The following RBFOX1 variants were observed in gnomAD, a reference collection of about 807,000 sequenced individuals.
RBFOX1 encodes the protein RNA binding protein fox-1 homolog 1.
In RBFOX1, 8 loss-of-function variants were observed where a neutral mutation model predicts 57.7. The ratio of observed to expected loss-of-function variants is 0.14; its 90% CI spans 0.08 to 0.25. The LOEUF (loss-of-function observed/expected upper bound fraction) is 0.25. Among genes scored for constraint, RBFOX1 ranks in the 10% least tolerant of loss-of-function variants. The pLI is 1.00. For synonymous variants in RBFOX1, 326 were observed against 222.4 expected (o/e 1.47, Z -4.15); for missense variants, 611 against 548.5 (o/e 1.11, Z -1.14).
intron 3 of RBFOX1, among the ~76,000 whole-genome samples, chr16:6,830,243 G>A (rs902075300): frequency 6.6e-5 from 10 of 152,134 alleles, no homozygotes; most frequent in African/African-American, 2.4e-4. Flanking sequence ...TGTGTGTGAA[G>A]ACATCAGTAT....
At chr16:7,238,077 G>C (rs997970363) in intron 4 of RBFOX1, among the ~76,000 whole-genome samples, 1 of 152,324 alleles carries the variant, frequency 6.6e-6, no homozygotes, top group Non-Finnish European at 1.5e-5. Context: ...AGTGAAATGA[G>C]CTTGTCACAA....
chr16:6,518,642 G>C (rs944097809), intron 2 of RBFOX1, among the ~76,000 whole-genome samples: 12 of 152,094 alleles, frequency 7.9e-5, no homozygotes, highest in Non-Finnish European at 1.5e-5. Context: ...CATTGTCCTA[G>C]TGTTTGCCTT....
chr16:6,962,540 G>A (rs1267076324), intron 3 of RBFOX1, among the ~76,000 whole-genome samples: 1 of 151,478 alleles, frequency 6.6e-6, no homozygotes, highest in Non-Finnish European at 1.5e-5. Context: ...GAGGTCAAAA[G>A]CACCTTAAAG....
intron 4 of RBFOX1, among the ~76,000 whole-genome samples, chr16:7,334,769 T>G (rs368186498): frequency 6.6e-6 from 1 of 152,128 alleles, no homozygotes; most frequent in African/African-American, 2.4e-5. Flanking sequence ...AGCTGAGAAA[T>G]TGGGGAGGCC....
intron 4 of RBFOX1, among the ~76,000 whole-genome samples, chr16:7,153,570 C>T (rs2076497036): frequency 6.6e-6 from 1 of 150,698 alleles, no homozygotes; most frequent in Admixed American, 6.6e-5. Flanking sequence ...CCCATCTCTA[C>T]TGAAAAAACA....
Position 7,222,349 on chromosome 16 carries a change from T to A in RBFOX1, c.27+170251T>A, listed in dbSNP as rs149730453. On this transcript the variant is annotated intron_variant, in intron 4 of 15. Coordinates refer to ENST00000550418, the MANE Select transcript of RBFOX1 (RefSeq NM_018723.4). ...GTCTCATGTTGGCTATATAGGTAGTTTATATGTCAGTTCCAATTATGAATA... is the reference window on the plus strand; with the variant it reads ...GTCTCATGTTGGCTATATAGGTAGTATATATGTCAGTTCCAATTATGAATA... Among the ~76,000 whole-genome samples, 25 of 152,304 alleles carry A rather than the reference T, an allele frequency of 1.6e-4. 1 individual carries two copies. The Middle Eastern group carries it at 0.01, about 62-fold the overall frequency.
At chr16:7,671,609 C>A in intron 13 of RBFOX1, 2 of 1,608,072 alleles carry the variant, frequency 1.2e-6, no homozygotes, top group Non-Finnish European at 1.7e-6. Flanking sequence ...GGTATGAAAT[C>A]CCGACTGGTG....
intron 3 of RBFOX1, among the ~76,000 whole-genome samples, chr16:5,827,824 T>A (rs926719634): frequency 2.0e-5 from 3 of 151,866 alleles, no homozygotes. Context: ...CACTCACCCA[T>A]CCACCTGGCC....
chr16:5,433,743 C>A lies in RBFOX1; in HGVS notation c.220-33473C>A, dbSNP rs112460498. Among the ~76,000 whole-genome samples, 1,041 of 152,302 alleles carry A rather than the reference C, an allele frequency of 6.8e-3. 11 individuals carry two copies. Among genetic ancestry groups the A allele is most frequent in the African/African-American group, 0.023 (951 of 41,564 alleles). On this transcript the variant is annotated intron_variant, in intron 1 of 2. Coordinates refer to the RBFOX1 transcript ENST00000585867. ...CCTCTCCTTTCCTCCCCTCCCTGCT[C>A]CATGGGAGATTCCGTAGCGTAAGGT...
chr16:6,516,602 T>G (rs1041391030), intron 2 of RBFOX1, among the ~76,000 whole-genome samples: 10 of 152,190 alleles, frequency 6.6e-5, no homozygotes, highest in Non-Finnish European at 1.5e-4. Context: ...ACCCAACACT[T>G]TCATGGAATT....
chr16:7,653,800 C>CTA lies in RBFOX1; in HGVS notation c.758-15_758-14insTA, dbSNP rs2144802519. On this transcript the variant is annotated splice_polypyrimidine_tract_variant and intron_variant, in intron 11 of 15. Transcript: ENST00000550418. The stretch of plus-strand genomic sequence containing the variant: ...CAGCCTGTGCTCTCTCTCTCTCTCT[C>CTA]CTCTTGCCCCGCAGTGCCAGGCTTC... The CTA allele has an allele frequency of 6.2e-7, 1 of 1,607,600 alleles. No individual in the cohort carries two copies. Among genetic ancestry groups the CTA allele is most frequent in the Non-Finnish European group, 8.5e-7 (1 of 1,179,414 alleles).
intron 3 of RBFOX1, among the ~76,000 whole-genome samples, chr16:7,023,004 G>C (rs1400755541): frequency 6.6e-6 from 1 of 152,148 alleles, no homozygotes; most frequent in Non-Finnish European, 1.5e-5. Context: ...GCAGAAGTTG[G>C]CATTTAATGT....
chr16:6,999,224 T>A (rs1261676918), intron 3 of RBFOX1, among the ~76,000 whole-genome samples: 2 of 99,272 alleles, frequency 2.0e-5, no homozygotes, highest in African/African-American at 6.6e-5. Context: ...TTATTTTTTT[T>A]ATTTATTTTT....
intron 4 of RBFOX1, among the ~76,000 whole-genome samples, chr16:7,499,810 G>A (rs974062569): frequency 6.6e-6 from 1 of 151,772 alleles, no homozygotes; most frequent in South Asian, 2.1e-4. Context: ...CTACTTCGCA[G>A]TTGTTGAGAC....
At chr16:7,150,729 T>C (rs1450993676) in intron 4 of RBFOX1, among the ~76,000 whole-genome samples, 2 of 152,220 alleles carry the variant, frequency 1.3e-5, no homozygotes, top group Non-Finnish European at 2.9e-5. Flanking sequence ...GTTAACTTTT[T>C]GCTTCTTACT....
Position 5,633,999 on chromosome 16 carries a change from C to T in RBFOX1, c.318+35038C>T, listed in dbSNP as rs74004439. On this transcript the variant is annotated intron_variant, in intron 3 of 19. Coordinates refer to the RBFOX1 transcript ENST00000641259. ...GGCCAATTGTGAGCTGTTAGCAAGCCCACCTTGAGTGTAATGGTGTTTCCT... is the reference window on the plus strand; with the variant it reads ...GGCCAATTGTGAGCTGTTAGCAAGCTCACCTTGAGTGTAATGGTGTTTCCT... Among the ~76,000 whole-genome samples, 1,126 of 152,268 alleles carry T rather than the reference C, an allele frequency of 7.4e-3. 9 individuals are homozygous for T. The highest frequency in any genetic ancestry group is 0.026 in the African/African-American group (1,081 of 41,542).
chr16:6,517,888 C>T (rs974890484), intron 2 of RBFOX1, among the ~76,000 whole-genome samples: 1 of 152,060 alleles, frequency 6.6e-6, no homozygotes, highest in Admixed American at 6.6e-5. Flanking sequence ...AAGTCTGGGG[C>T]CTTAATACTT....
chr16:5,659,780 T>C (rs1017048924), intron 3 of RBFOX1, among the ~76,000 whole-genome samples: 7 of 152,036 alleles, frequency 4.6e-5, no homozygotes, highest in African/African-American at 1.7e-4. Flanking sequence ...CCACAGGTGG[T>C]TTTTAGCAGA....
intron 3 of RBFOX1, among the ~76,000 whole-genome samples, chr16:5,728,757 C>T (rs2151554247): frequency 6.6e-6 from 1 of 152,274 alleles, no homozygotes; most frequent in Middle Eastern, 3.4e-3. Context: ...GAGGCAGCTC[C>T]ATGCAGAGTC....
Sources: allele counts gnomAD v4.1 joint callset (sites outside exome capture counted in the v4.1 genomes callset), GRCh38; gene constraint gnomAD v4.1.1; transcripts MANE v1.5; gene names NCBI Gene and HGNC (gene_info 2026-07-23, HGNC 2026-07-21).